The following EGFR variants were observed in gnomAD, a reference collection of about 807,000 sequenced individuals.
EGFR encodes the protein epidermal growth factor receptor.
A neutral mutation model predicts 143.0 loss-of-function variants in EGFR; 58 were observed. The observed-to-expected ratio is 0.41, with a 90% CI of 0.33 to 0.50. The LOEUF (loss-of-function observed/expected upper bound fraction) is 0.50. Ranked by LOEUF, EGFR falls within the 20% of genes least tolerant of loss-of-function variation. The pLI is 0.39. For missense variants in EGFR, 1,307 were observed against 1,579.0 expected (o/e 0.83, Z 2.92); for synonymous variants, 613 against 594.4 (o/e 1.03, Z -0.45).
At chr7:55,100,931 A>T (rs1419054681) in intron 1 of EGFR, among the ~76,000 whole-genome samples, 3 of 152,254 alleles carry the variant, frequency 2.0e-5, no homozygotes, top group African/African-American at 7.2e-5. Flanking sequence ...GTCATAAAAA[A>T]TTGCTGCTGT....
chr7:55,061,647 T>TGA lies in EGFR; in HGVS notation c.88+42283_88+42284insAG, dbSNP rs760516597. ...GTGTGTGTGTGTGTGTGTGTGTGTGTGTGAGAGAGAGAGAGAGAGAGAGAG... is the reference window on the plus strand; with the variant it reads ...GTGTGTGTGTGTGTGTGTGTGTGTGTGAGTGAGAGAGAGAGAGAGAGAGAGAG... On this transcript the variant is annotated intron_variant, in intron 1 of 27. Transcript: ENST00000275493. Among the ~76,000 whole-genome samples, 172 of 99,688 alleles carry TGA rather than the reference T, an allele frequency of 1.7e-3. 2 individuals carry two copies. Among genetic ancestry groups the TGA allele is most frequent in the African/African-American group, 6.1e-3 (164 of 26,808 alleles). 65.4% of individuals were successfully genotyped at this position (99,688 alleles called of 152,430 possible).
chr7:55,191,670 T>G (rs771790945), intron 20 of EGFR, 49 bp from the exon 21 acceptor site: 1 of 1,611,322 alleles, frequency 6.2e-7, no homozygotes, highest in African/African-American at 1.3e-5. Flanking sequence ...GATGCAGAGC[T>G]TCTTCCCATG....
intron 22 of EGFR, among the ~76,000 whole-genome samples, chr7:55,194,278 G>C (rs1037337136): frequency 2.0e-5 from 3 of 149,572 alleles, no homozygotes; most frequent in Non-Finnish European, 4.4e-5. Context: ...CCAGGCTGGA[G>C]TGCAGTGGTG....
chr7:55,199,070 C>T (rs1010956266), intron 23 of EGFR, among the ~76,000 whole-genome samples: 1 of 152,190 alleles, frequency 6.6e-6, no homozygotes, highest in African/African-American at 2.4e-5. Flanking sequence ...CTGACATTTG[C>T]CCATGTTTGC....
rs1562814667 is a variant in EGFR at position 55,211,554 on chromosome 7, A to C, written c.*5937A>C. On this transcript the variant is annotated 3_prime_UTR_variant, in exon 28 of 28. Transcript: ENST00000275493. ...GTTGATTGTGCATTGAGTATTAAAA[A>C]ATTAGATGTATATTATTCATTGTTC... 6.6e-6 allele frequency: 1 copy of C among 152,166 alleles called. No individual in the cohort carries two copies. Among genetic ancestry groups the C allele is most frequent in the Non-Finnish European group, 1.5e-5 (1 of 68,036 alleles). The allele number at this position is 152,166 out of a possible 1,614,324, so 9.4% of individuals were successfully genotyped here.
chr7:55,184,733 T>C (rs770144842), intron 20 of EGFR, among the ~76,000 whole-genome samples: 9 of 152,250 alleles, frequency 5.9e-5, no homozygotes, highest in Non-Finnish European at 1.2e-4. Flanking sequence ...TTTGTCTCTG[T>C]TAGATTTGCT....
At chr7:55,174,676 C>A (rs1786511006) in intron 18 of EGFR, 46 bp from the exon 19 acceptor site, 1 of 1,477,774 alleles carries the variant, frequency 6.8e-7, no homozygotes. Flanking sequence ...CATGTGGCAC[C>A]ATCTCACAAT....
At chr7:55,064,521 C>G (rs1789385394) in intron 1 of EGFR, among the ~76,000 whole-genome samples, 1 of 152,320 alleles carries the variant, frequency 6.6e-6, no homozygotes, top group South Asian at 2.1e-4. Context: ...GCAAACCAAA[C>G]AGAGATTGTA....
intron 15 of EGFR, among the ~76,000 whole-genome samples, chr7:55,167,697 G>A (rs916509013): frequency 9.2e-5 from 14 of 152,056 alleles, no homozygotes; most frequent in African/African-American, 1.5e-4. Flanking sequence ...CGGTGGTGGC[G>A]ATGATGGTGG....
intron 1 of EGFR, among the ~76,000 whole-genome samples, chr7:55,049,287 A>G (rs559102492): frequency 5.3e-5 from 8 of 152,308 alleles, no homozygotes; most frequent in Admixed American, 4.6e-4. Context: ...ACACAAAAAG[A>G]AGAGAATTTG....
At chr7:55,028,545 T>C (rs1393495799) in intron 1 of EGFR, among the ~76,000 whole-genome samples, 2 of 152,330 alleles carry the variant, frequency 1.3e-5, no homozygotes, top group African/African-American at 4.8e-5. Context: ...AATCATTGAA[T>C]ACCTGAAAGC....
At chr7:55,052,226 C>T (rs981504471) in intron 1 of EGFR, among the ~76,000 whole-genome samples, 4 of 152,200 alleles carry the variant, frequency 2.6e-5, no homozygotes, top group Admixed American at 2.6e-4. Context: ...GTAAAAGGCA[C>T]TGAGCCAGTG....
At chr7:55,174,087 C>G (rs765938560) in intron 18 of EGFR, 44 bp downstream of exon 18, 4 of 1,613,546 alleles carry the variant, frequency 2.5e-6, no homozygotes, top group Non-Finnish European at 3.4e-6. Context: ...CGCAGGGCCT[C>G]TCATGGTCTG....
intron 20 of EGFR, among the ~76,000 whole-genome samples, chr7:55,184,720 C>T (rs935753025): frequency 6.6e-6 from 1 of 152,174 alleles, no homozygotes; most frequent in African/African-American, 2.4e-5. Flanking sequence ...GGGCAGTTAA[C>T]GCTTTGTCTC....
At chr7:55,094,425 C>G (rs1485384728) in intron 1 of EGFR, among the ~76,000 whole-genome samples, 1 of 152,226 alleles carries the variant, frequency 6.6e-6, no homozygotes, top group Admixed American at 6.5e-5. Flanking sequence ...ACTGGCCTAT[C>G]CTGTCAGGAG....
At chr7:55,072,785 A>G (rs1416869488) in intron 1 of EGFR, among the ~76,000 whole-genome samples, 1 of 152,212 alleles carries the variant, frequency 6.6e-6, no homozygotes, top group Non-Finnish European at 1.5e-5. Context: ...TAATCCTTAA[A>G]AAGATAGTGC....
At chr7:55,094,392 C>T (rs562758817) in intron 1 of EGFR, among the ~76,000 whole-genome samples, 4 of 152,314 alleles carry the variant, frequency 2.6e-5, no homozygotes, top group South Asian at 2.1e-4. Context: ...CAGCCTCCTG[C>T]CACCCACTGA....
At position 55,030,225 on chromosome 7, in the gene EGFR, G is replaced by A. The variant is rs548512745; in HGVS notation, c.88+10860G>A. ...GACGTCATTGGGTTTTTTAGCTATG[G>A]ATGCCCCATCACTTTTAGTTCTATT... On this transcript the variant is annotated intron_variant, in intron 1 of 27. Transcript: ENST00000275493. Among the ~76,000 whole-genome samples the A allele has an allele frequency of 2.0e-5, 3 of 152,266 alleles. No individual in the cohort carries two copies. In the South Asian group the frequency reaches 6.2e-4, roughly 32 times the overall value.
chr7:55,181,579 T>C, intron 20 of EGFR, 101 bp downstream of exon 20: 1 of 1,380,480 alleles, frequency 7.2e-7, no homozygotes, highest in African/African-American at 1.4e-5. Context: ...TGGGGATATG[T>C]GTGTGCGTGC....
Sources: allele counts gnomAD v4.1 joint callset (sites outside exome capture counted in the v4.1 genomes callset), GRCh38; gene constraint gnomAD v4.1.1; transcripts MANE v1.5; gene names NCBI Gene and HGNC (gene_info 2026-07-23, HGNC 2026-07-21).